The following INTS2 variants were observed in gnomAD, a reference collection of about 807,000 sequenced individuals.
INTS2 encodes integrator complex subunit 2.
INTS2 carries 57 observed loss-of-function variants against 139.6 expected under a neutral mutation model. The observed-to-expected ratio is 0.41, with a 90% confidence interval of 0.33 to 0.51. The LOEUF (loss-of-function observed/expected upper bound fraction) is 0.51, where lower values mean the gene tolerates loss of function less well. Among genes scored for constraint, INTS2 ranks in the 20% least tolerant of loss-of-function variants. INTS2 has a pLI of 0.28. For missense variants in INTS2, 1,196 were observed against 1,436.7 expected, an observed-to-expected ratio of 0.83 and a Z score of 2.71; for synonymous variants, 473 against 493.4, an observed-to-expected ratio of 0.96 and a Z score of 0.55.
chr17:61,908,915 T>C (rs1055360141), intron 7 of INTS2, among the ~76,000 whole-genome samples: 3 of 152,126 alleles, frequency 2.0e-5, no homozygotes, highest in African/African-American at 7.2e-5. Context: ...GCAGTATACA[T>C]GTTGTCTAGC....
chr17:61,896,740 A>G (rs2079353803), intron 11 of INTS2, among the ~76,000 whole-genome samples: 1 of 152,164 alleles, frequency 6.6e-6, no homozygotes, highest in Non-Finnish European at 1.5e-5. Flanking sequence ...CCAAATTTGC[A>G]AAGATTAAAA....
intron 5 of INTS2, among the ~76,000 whole-genome samples, chr17:61,916,456 G>A (rs754290229): frequency 1.1e-4 from 17 of 151,888 alleles, no homozygotes; most frequent in Admixed American, 2.6e-4. Context: ...ACAGACACAC[G>A]GACCAATGCA....
chr17:61,909,317 G>A lies in INTS2; in HGVS notation c.955-1683C>T, dbSNP rs1258717637. ...GTAGAGACAGGGTTTCACCATGTTG[G>A]CCAGGATGGTCTCCCTCTCTTGACC... On this transcript the variant is annotated intron_variant, in intron 7 of 24. Coordinates refer to ENST00000251334, the MANE Select transcript of INTS2 (RefSeq NM_001351695.2). The surrounding 1 kb of genome is among the most constrained non-coding windows in gnomAD (Gnocchi z 4.9). Among the ~76,000 whole-genome samples the A allele has an allele frequency of 6.6e-6, 1 of 152,094 alleles. No homozygotes were observed. Among genetic ancestry groups the A allele is most frequent in the Non-Finnish European group, 1.5e-5 (1 of 68,010 alleles).
In INTS2 at chr17:61,876,877, A is replaced by C. The variant is rs1388008482; in HGVS notation, c.2456+1010T>G. Reference sequence around the variant, plus strand: ...TTTAAAAAACTGAGCAAATAGAAAAAAGGTATTAACTAACCCAACATATAT... The same window carrying C: ...TTTAAAAAACTGAGCAAATAGAAAACAGGTATTAACTAACCCAACATATAT... On this transcript the variant is annotated intron_variant, in intron 18 of 24. Coordinates refer to ENST00000251334, the MANE Select transcript of INTS2 (RefSeq NM_001351695.2). The surrounding 1 kb of genome is among the most constrained non-coding windows in gnomAD (Gnocchi z 4.1). Among the ~76,000 whole-genome samples the C allele has an allele frequency of 6.6e-6, 1 of 152,170 alleles. No homozygotes were observed.
rs77352102 is a variant in INTS2 at position 61,922,611 on chromosome 17, T to C, written c.433-784A>G. Among the ~76,000 whole-genome samples, 1,539 of 141,036 alleles carry C rather than the reference T, an allele frequency of 0.011. 77 individuals carry two copies. In the East Asian group the frequency reaches 0.15, roughly 14 times the overall value. 92.5% of individuals were successfully genotyped at this position (141,036 alleles called of 152,430 possible). Reference sequence around the variant, plus strand: ...TTAAAGTTTAGATAACAAAATCTACTAAGCTTTTTGGAAATTCTGCACAAT... The same window carrying C: ...TTAAAGTTTAGATAACAAAATCTACCAAGCTTTTTGGAAATTCTGCACAAT... On this transcript the variant is annotated intron_variant, in intron 3 of 24. Transcript: ENST00000251334.
At chr17:61,892,602 G>A (rs1391341607) in intron 13 of INTS2, among the ~76,000 whole-genome samples, 2 of 151,894 alleles carry the variant, frequency 1.3e-5, no homozygotes, top group East Asian at 3.9e-4. Context: ...GACCAGACCA[G>A]CCTGGGCAAA....
At chr17:61,880,950 C>T in intron 17 of INTS2, 57 bp downstream of exon 17, 1 of 1,314,628 alleles carries the variant, frequency 7.6e-7, no homozygotes, top group South Asian at 1.3e-5. Context: ...TTTCAATTAG[C>T]CTAGCATCTC....
Position 61,914,305 on chromosome 17 carries a change from C to T in INTS2, c.650-2235G>A, listed in dbSNP as rs539383888. Among the ~76,000 whole-genome samples, 5 of 152,224 alleles carry T rather than the reference C, an allele frequency of 3.3e-5. No individual in the cohort carries two copies. In the South Asian group the frequency reaches 6.2e-4, roughly 19 times the overall value. ...GTCTATTTTGTCACGCCTGTAAATC[C>T]CAGCACTTTGGGAGATTGAGGCAAG... is the stretch of plus-strand genomic sequence containing the variant. On this transcript the variant is annotated intron_variant, in intron 5 of 24. Coordinates refer to ENST00000251334, the MANE Select transcript of INTS2 (RefSeq NM_001351695.2).
intron 4 of INTS2, among the ~76,000 whole-genome samples, chr17:61,920,243 G>A (rs990665545): frequency 1.1e-4 from 17 of 148,380 alleles, no homozygotes; most frequent in African/African-American, 3.0e-4. Flanking sequence ...ATGCAATGGC[G>A]CAATCTCAGC....
In INTS2 at chr17:61,927,860, G is replaced by C; in HGVS notation, c.-225C>G. ...TTGTCGATACAAAGTGGGAAGGATG[G>C]GGGCACCACACAAAGGCAGAACCGG... On this transcript the variant is annotated 5_prime_UTR_variant, in exon 1 of 25. Transcript: ENST00000251334. 2 of 1,613,852 alleles carry C rather than the reference G, an allele frequency of 1.2e-6. No homozygotes were observed. The highest frequency in any genetic ancestry group is 8.5e-7 in the Non-Finnish European group (1 of 1,179,826).
At position 61,867,316 on chromosome 17, in the gene INTS2, A is replaced by T; in HGVS notation, c.*241T>A. On this transcript the variant is annotated 3_prime_UTR_variant, in exon 25 of 25. Coordinates refer to ENST00000251334, the MANE Select transcript of INTS2 (RefSeq NM_001351695.2). The surrounding 1 kb of genome is among the most constrained non-coding windows in gnomAD (Gnocchi z 5.6). ...TTCTTACATGTGTTCCCAGTGGAAA[A>T]AAAAAAAGCTCAGCTGCTACAATAG... 1 of 281,068 alleles carries T rather than the reference A, an allele frequency of 3.6e-6. No individual in the cohort carries two copies. The allele number at this position is 281,068 out of a possible 1,614,324, so 17.4% of individuals were successfully genotyped here.
chr17:61,924,625 C>T (rs2079689208), intron 3 of INTS2, among the ~76,000 whole-genome samples: 1 of 152,060 alleles, frequency 6.6e-6, no homozygotes. Context: ...TCGAGACCAG[C>T]CTGGCCAGCC....
At chr17:61,902,142 T>C (rs1437560348) in intron 9 of INTS2, among the ~76,000 whole-genome samples, 1 of 152,164 alleles carries the variant, frequency 6.6e-6, no homozygotes, top group East Asian at 1.9e-4. Context: ...GTTTTTAATA[T>C]AGAAACTCGT....
intron 8 of INTS2, among the ~76,000 whole-genome samples, chr17:61,905,125 G>A (rs999468958): frequency 6.6e-6 from 1 of 151,420 alleles, no homozygotes; most frequent in Non-Finnish European, 1.5e-5. Flanking sequence ...TTTTTTAGTA[G>A]AGACAGGGTT....
rs1262099506 is a variant in INTS2 at position 61,870,245 on chromosome 17, A to G, written c.2779-257T>C. ...TAAAAATTAACATACATAAACAAAC[A>G]TCATTACATAATGATATCACATATC... is the stretch of plus-strand genomic sequence containing the variant. On this transcript the variant is annotated intron_variant, in intron 20 of 24. Transcript: ENST00000251334. The surrounding 1 kb of genome is among the most constrained non-coding windows in gnomAD (Gnocchi z 4.4). Among the ~76,000 whole-genome samples the G allele has an allele frequency of 6.6e-6, 1 of 152,194 alleles. No individual in the cohort carries two copies. Among genetic ancestry groups the G allele is most frequent in the African/African-American group, 2.4e-5 (1 of 41,444 alleles).
rs936861880 is a variant in INTS2 at position 61,876,259 on chromosome 17, A to G, written c.2457-1221T>C. On this transcript the variant is annotated intron_variant, in intron 18 of 24. Transcript: ENST00000251334. This position sits in a 1 kb window ranked among gnomAD's most constrained non-coding sequence, Gnocchi z 4.1. The stretch of plus-strand genomic sequence containing the variant: ...CAGTCACATATGAGAATAATTCAGC[A>G]TCTCAAAAAAGTTAAGTTTACCACA... Among the ~76,000 whole-genome samples, 12 of 152,346 alleles carry G rather than the reference A, an allele frequency of 7.9e-5. No individual in the cohort carries two copies. Among genetic ancestry groups the G allele is most frequent in the African/African-American group, 2.9e-4 (12 of 41,588 alleles).
At chr17:61,902,491 C>A (rs530932728) in intron 9 of INTS2, among the ~76,000 whole-genome samples, 172 of 152,058 alleles carry the variant, frequency 1.1e-3, no homozygotes, top group African/African-American at 4.1e-3. Context: ...CCAAAGTGTA[C>A]AATTGAGTGG....
intron 19 of INTS2, 47 bp downstream of exon 19, chr17:61,874,865 CT>C: frequency 7.2e-7 from 1 of 1,390,360 alleles, no homozygotes; most frequent in South Asian, 1.8e-5. Flanking sequence ...TCTTTTGACT[CT>C]CCAAAGTACA....
In INTS2 at chr17:61,869,312, G is replaced by A; in HGVS notation, c.3099C>T (p.Phe1033=). The A allele has an allele frequency of 1.2e-6, 2 of 1,606,922 alleles. No individual in the cohort carries two copies. Among genetic ancestry groups the A allele is most frequent in the Non-Finnish European group, 1.7e-6 (2 of 1,176,336 alleles). ...CTGGCTGTGCAATAAGCTCAGGTAT[G>A]AAATCTAGACAGATGTGCATAGATG... ...GIPSMHICLD[F]IPELIAQPEL... The change falls in exon 22 of 25, where the codon TTC becomes TTT. Residue 1033 remains phenylalanine (F), a synonymous_variant. Coordinates refer to ENST00000251334, the MANE Select transcript of INTS2 (RefSeq NM_001351695.2). This position sits in a 1 kb window ranked among gnomAD's most constrained non-coding sequence, Gnocchi z 5.4.
Sources: gnomAD v4.1 joint callset for allele counts (sites outside exome capture counted in the v4.1 genomes callset) on GRCh38, gnomAD v4.1.1 for gene constraint, Gnocchi (gnomAD v3.1) non-coding constraint, MANE v1.5 for transcripts, NCBI Gene and HGNC (gene_info 2026-07-23, HGNC 2026-07-21) for gene names.